Variants in SNED1 observed in about 807,000 individuals in gnomAD.
The protein encoded by SNED1 is sushi, nidogen and EGF-like domain-containing protein 1.
In SNED1, 81 loss-of-function variants were observed where a neutral mutation model predicts 166.7. The observed-to-expected ratio is 0.49, with a 90% CI of 0.41 to 0.58. SNED1 has a LOEUF of 0.58. Among genes scored for constraint, SNED1 ranks in the 20% least tolerant of loss-of-function variants. The probability of loss-of-function intolerance (pLI) is 0.00; values close to 1 mark genes in which losing one functional copy is unlikely to be tolerated. For synonymous variants in SNED1, 762 were observed against 822.0 expected, an observed-to-expected ratio of 0.93 and a Z score of 1.25; for missense variants, 1,604 against 2,000.2, an observed-to-expected ratio of 0.80 and a Z score of 3.78.
chr2:241,057,182 C>A (rs2062073668), intron 16 of SNED1, among the ~76,000 whole-genome samples: 1 of 151,208 alleles, frequency 6.6e-6, no homozygotes, highest in South Asian at 2.1e-4. Context: ...AGTTTGAGAC[C>A]AGCCTGGCCA....
At chr2:241,048,279 C>A in intron 8 of SNED1, 36 bp from the exon 9 acceptor site, 1 of 1,562,670 alleles carries the variant, frequency 6.4e-7, no homozygotes, top group East Asian at 2.3e-5. Flanking sequence ...CCCACATTCC[C>A]TGCGTGGCCG....
intron 17 of SNED1, 45 bp from the exon 18 acceptor site, chr2:241,063,542 T>C: frequency 1.5e-6 from 2 of 1,374,100 alleles, no homozygotes; most frequent in Non-Finnish European, 2.0e-6. Context: ...TGTGGGCGCC[T>C]CAGACTTGAG....
At chr2:241,017,579 C>A (rs2060635099) in intron 1 of SNED1, among the ~76,000 whole-genome samples, 1 of 152,260 alleles carries the variant, frequency 6.6e-6, no homozygotes, top group Non-Finnish European at 1.5e-5. Flanking sequence ...TGCAGAGGCA[C>A]AGCAGAGTGC....
At chr2:241,049,762 C>T (rs1159188972) in intron 11 of SNED1, 55 bp from the exon 12 acceptor site, 42 of 1,414,136 alleles carry the variant, frequency 3.0e-5, no homozygotes, top group South Asian at 1.5e-4. Context: ...AGCCTCTTGC[C>T]GCCCGCACAG....
chr2:241,009,753 T>C (rs2060329871), intron 1 of SNED1, among the ~76,000 whole-genome samples: 1 of 152,002 alleles, frequency 6.6e-6, no homozygotes, highest in African/African-American at 2.4e-5. Flanking sequence ...GTGGTAGCTC[T>C]CTTCCCTCCC....
At chr2:241,005,546 T>A (rs1427909244) in intron 1 of SNED1, among the ~76,000 whole-genome samples, 2 of 152,130 alleles carry the variant, frequency 1.3e-5, no homozygotes, top group Non-Finnish European at 2.9e-5. Context: ...CTTGAAGGAC[T>A]TCCTCTAATA....
chr2:241,004,084 G>A (rs796654244), intron 1 of SNED1, among the ~76,000 whole-genome samples: 14 of 152,336 alleles, frequency 9.2e-5, no homozygotes, highest in African/African-American at 3.1e-4. Context: ...GAGCCTGGGG[G>A]TGAGGCTGGC....
chr2:241,046,064 CTT>C (rs1172823427), intron 8 of SNED1, among the ~76,000 whole-genome samples: 2 of 152,146 alleles, frequency 1.3e-5, no homozygotes, highest in African/African-American at 2.4e-5. Flanking sequence ...GAAAAATACT[CTT>C]GTCATTAATA....
At chr2:241,090,435 TAGA>T (rs774649938) in intron 31 of SNED1, 26 of 1,545,874 alleles carry the variant, frequency 1.7e-5, no homozygotes, top group South Asian at 1.2e-4. Flanking sequence ...TTTTCATAAG[TAGA>T]AGGAGTACAC....
Position 241,046,073 on chromosome 2 carries a change from A to T in SNED1, c.1274-2242A>T, listed in dbSNP as rs559001772. The stretch of plus-strand genomic sequence containing the variant: ...CGGATGGAAAAATACTCTTGTCATT[A>T]ATATCAGCCATTAGTGAAATGCAAA... On this transcript the variant is annotated intron_variant, in intron 8 of 31. Transcript: ENST00000310397. Among the ~76,000 whole-genome samples the T allele has an allele frequency of 9.2e-5, 14 of 152,362 alleles. No individual in the cohort carries two copies. In the South Asian group the frequency reaches 1.4e-3, roughly 16 times the overall value.
intron 12 of SNED1, among the ~76,000 whole-genome samples, chr2:241,050,789 A>G (rs1283913089): frequency 2.0e-5 from 3 of 151,886 alleles, no homozygotes; most frequent in Non-Finnish European, 2.9e-5. Flanking sequence ...GCCCTACTCC[A>G]GCTCACACCT....
Position 241,018,101 on chromosome 2 carries a change from G to A in SNED1, c.214-12183G>A, listed in dbSNP as rs116475375. 7.9e-3 allele frequency among the ~76,000 whole-genome samples: 1,202 copies of A among 152,246 alleles called. 15 individuals carry two copies. The highest frequency in any genetic ancestry group is 0.027 in the African/African-American group (1,127 of 41,540). ...AGGCTCACTCCCTCCCAGGTAACAC[G>A]CAACCCGAGTAGCTCTGTCTGAGAA... On this transcript the variant is annotated intron_variant, in intron 1 of 31. Transcript: ENST00000310397. This position sits in a 1 kb window ranked among gnomAD's most constrained non-coding sequence, Gnocchi z 5.4.
At chr2:241,043,027 G>T (rs1692032630) in intron 8 of SNED1, among the ~76,000 whole-genome samples, 1 of 152,068 alleles carries the variant, frequency 6.6e-6, no homozygotes, top group African/African-American at 2.4e-5. Context: ...TGCAAAGGAG[G>T]ATGGAGAACA....
chr2:241,063,105 G>T (rs1174942175), intron 17 of SNED1, among the ~76,000 whole-genome samples: 3 of 152,236 alleles, frequency 2.0e-5, no homozygotes, highest in African/African-American at 7.2e-5. Context: ...GAGACTGAGA[G>T]CCCAGCTGAG....
Position 241,081,739 on chromosome 2 carries a change from G to GA in SNED1, c.3980dup (p.Asp1327GlufsTer6), listed in dbSNP as rs1302138809. ...CGGAGGCACTTGTGTGCCGGGCGCA[G>GA]ACGCCCACAGCTGTGACTGCGGGCC... On this transcript the variant is annotated frameshift_variant, in exon 28 of 32. Coordinates refer to ENST00000310397, the MANE Select transcript of SNED1 (RefSeq NM_001080437.3). LOFTEE classifies it high-confidence loss of function. 6.2e-7 allele frequency: 1 copy of GA among 1,608,820 alleles called. No individual in the cohort carries two copies. The highest frequency in any genetic ancestry group is 8.5e-7 in the Non-Finnish European group (1 of 1,177,764).
intron 31 of SNED1, among the ~76,000 whole-genome samples, chr2:241,090,888 A>G (rs1293825585): frequency 4.6e-5 from 7 of 152,064 alleles, no homozygotes; most frequent in Non-Finnish European, 7.4e-5. Context: ...AAAAAAAGAA[A>G]AAAGAATTCT....
rs897532706 is a variant in SNED1 at position 241,081,805 on chromosome 2, C to G, written c.4033+12C>G. On this transcript the variant is annotated intron_variant, in intron 28 of 31. Transcript: ENST00000310397. ...ACGCTGCGAGCTCGGTAAGTCGGGGCTTGGCCTCAGGGCGCCCCTTCCAAC... is the reference window on the plus strand; with the variant it reads ...ACGCTGCGAGCTCGGTAAGTCGGGGGTTGGCCTCAGGGCGCCCCTTCCAAC... 6.4e-7 allele frequency: 1 copy of G among 1,558,844 alleles called. No individual in the cohort carries two copies. Among genetic ancestry groups the G allele is most frequent in the Non-Finnish European group, 8.7e-7 (1 of 1,148,628 alleles).
At chr2:241,015,167 A>G (rs148566216) in intron 1 of SNED1, among the ~76,000 whole-genome samples, 3 of 152,330 alleles carry the variant, frequency 2.0e-5, no homozygotes, top group African/African-American at 7.2e-5. Flanking sequence ...TGTGATATTT[A>G]TTGGGATTGC....
At chr2:241,031,347 TAG>T (rs2061162346) in intron 2 of SNED1, among the ~76,000 whole-genome samples, 1 of 152,090 alleles carries the variant, frequency 6.6e-6, no homozygotes, top group Non-Finnish European at 1.5e-5. Context: ...GTATTTTCAG[TAG>T]AGAGGGGGTT....
Sources: gnomAD v4.1 joint callset for allele counts (sites outside exome capture counted in the v4.1 genomes callset) on GRCh38, gnomAD v4.1.1 for gene constraint, Gnocchi (gnomAD v3.1) non-coding constraint, MANE v1.5 for transcripts, NCBI Gene and HGNC (gene_info 2026-07-23, HGNC 2026-07-21) for gene names.